GAN: variants seen among roughly 807,000 people sequenced by gnomAD.
GAN encodes the protein gigaxonin.
A neutral mutation model predicts 71.3 loss-of-function variants in GAN; 48 were observed. The ratio of observed to expected loss-of-function variants is 0.67; its 90% CI spans 0.53 to 0.86. The LOEUF (loss-of-function observed/expected upper bound fraction) is 0.86. Among genes scored for constraint, GAN ranks in the 40% least tolerant of loss-of-function variants. The pLI, the probability that GAN is intolerant of heterozygous loss-of-function variation, is 0.00. For missense variants in GAN, 928 were observed against 770.1 expected (o/e 1.21, Z -2.43); for synonymous variants, 386 against 276.8 (o/e 1.39, Z -3.92).
At chr16:81,366,853 C>G (rs1489689284) in intron 9 of GAN, among the ~76,000 whole-genome samples, 1 of 151,982 alleles carries the variant, frequency 6.6e-6, no homozygotes, top group African/African-American at 2.4e-5. Flanking sequence ...TGGAGACAGT[C>G]TCGCTCTGTC....
chr16:81,368,689 G>A (rs1910940587), intron 9 of GAN, among the ~76,000 whole-genome samples: 1 of 152,090 alleles, frequency 6.6e-6, no homozygotes, highest in Non-Finnish European at 1.5e-5. Flanking sequence ...TTAAATCTTG[G>A]TAGCATTTTT....
At chr16:81,360,914 T>G (rs969642133) in intron 5 of GAN, among the ~76,000 whole-genome samples, 3 of 152,202 alleles carry the variant, frequency 2.0e-5, no homozygotes, top group African/African-American at 7.2e-5. Context: ...GGCTGCATGC[T>G]GCTCATTTAT....
In GAN at chr16:81,327,410, G is replaced by C. The variant is rs9937189; in HGVS notation, c.167+12130G>C. ...TTATTTATTAAAGGGAACTGGAGGG[G>C]TGTACTGGAGGCTGTAGTTTTTGTT... On this transcript the variant is annotated intron_variant, in intron 1 of 10. Transcript: ENST00000648994. 9.4e-3 allele frequency among the ~76,000 whole-genome samples: 1,429 copies of C among 152,262 alleles called. 28 individuals are homozygous for C. The highest frequency in any genetic ancestry group is 0.033 in the African/African-American group (1,374 of 41,540).
chr16:81,351,958 T>A (rs1377018983), intron 2 of GAN, among the ~76,000 whole-genome samples: 1 of 152,096 alleles, frequency 6.6e-6, no homozygotes, highest in African/African-American at 2.4e-5. Flanking sequence ...CCTTCTCATA[T>A]GAGATATTAA....
In GAN at chr16:81,351,588, A is replaced by C; in HGVS notation, c.173A>C (p.Lys58Thr). ...CATTTTTTTCCCTTTCTTAGGACAA[A>C]GTTAAACTATAATCCTCCAAAAGAT... ...LAAASPYIRT[K>T]LNYNPPKDDG... The change falls in exon 2 of 11, where the codon AAG (lysine) becomes ACG (threonine). Residue 58 changes from lysine to threonine, a missense_variant. Physicochemically the swap from Lys to Thr is moderately conservative, Grantham distance 78. Transcript: ENST00000648994. 7.3e-7 allele frequency: 1 copy of C among 1,371,864 alleles called. No individual in the cohort carries two copies. The highest frequency in any genetic ancestry group is 1.0e-6 in the Non-Finnish European group (1 of 958,806). 85.0% of individuals were successfully genotyped at this position (1,371,864 alleles called of 1,614,324 possible).
intron 1 of GAN, among the ~76,000 whole-genome samples, chr16:81,346,491 A>G (rs914972875): frequency 1.3e-5 from 2 of 152,222 alleles, no homozygotes; most frequent in Non-Finnish European, 2.9e-5. Context: ...CAGTGGTGGC[A>G]TTAGATTCTC....
chr16:81,315,007 G>A lies in GAN; in HGVS notation c.-107G>A, dbSNP rs1223547515. 1 of 965,850 alleles carries A rather than the reference G, an allele frequency of 1.0e-6. No individual in the cohort carries two copies. Among genetic ancestry groups the A allele is most frequent in the South Asian group, 2.4e-5 (1 of 41,982 alleles). 59.8% of individuals were successfully genotyped at this position (965,850 alleles called of 1,614,324 possible). ...GGGGGCTCCAGCTTCTGCTCAGAGC[G>A]CGGAGAGCCGGGCCGGGCGGGCGCG... On this transcript the variant is annotated 5_prime_UTR_variant, in exon 1 of 11. Coordinates refer to ENST00000648994, the MANE Select transcript of GAN (RefSeq NM_022041.4).
In GAN at chr16:81,368,501, G is replaced by A. The variant is rs186952286; in HGVS notation, c.1502+3023G>A. Among the ~76,000 whole-genome samples, 1,194 of 152,284 alleles carry A rather than the reference G, an allele frequency of 7.8e-3. 17 individuals are homozygous for A. Among genetic ancestry groups the A allele is most frequent in the African/African-American group, 0.028 (1,158 of 41,552 alleles). ...CCACGCCTGTGGTCCCAGCTACTTG[G>A]AAGGCTGAGGCAGAAGGATCACTTG... On this transcript the variant is annotated intron_variant, in intron 9 of 10. Transcript: ENST00000648994.
At chr16:81,363,744 C>T (rs373734410) in intron 6 of GAN, 50 bp from the exon 7 acceptor site, 3 of 1,577,442 alleles carry the variant, frequency 1.9e-6, no homozygotes, top group Non-Finnish European at 1.7e-6. Context: ...TATCAGCTTT[C>T]AATATGATCA....
rs1363495385 is a variant in GAN at position 81,377,620 on chromosome 16, G to T, written c.*24G>T. ...GAGGAGGAAGCAGAGCAGAGTGCGA[G>T]ATCCTGACCCAAGAGCACCATAACA... On this transcript the variant is annotated 3_prime_UTR_variant, in exon 11 of 11. Coordinates refer to ENST00000648994, the MANE Select transcript of GAN (RefSeq NM_022041.4). The T allele has an allele frequency of 1.9e-6, 3 of 1,603,824 alleles. No homozygotes were observed. In the East Asian group the frequency reaches 6.7e-5, roughly 36 times the overall value.
At chr16:81,359,950 C>T (rs1910617156) in intron 5 of GAN, among the ~76,000 whole-genome samples, 1 of 152,114 alleles carries the variant, frequency 6.6e-6, no homozygotes, top group Non-Finnish European at 1.5e-5. Flanking sequence ...GATAAAACCA[C>T]AGAAACCAAA....
At chr16:81,337,687 C>A (rs1909809061) in intron 1 of GAN, among the ~76,000 whole-genome samples, 1 of 152,222 alleles carries the variant, frequency 6.6e-6, no homozygotes, top group African/African-American at 2.4e-5. Flanking sequence ...ATAATACCAT[C>A]TTCTTTATTA....
At position 81,379,315 on chromosome 16, in the gene GAN, TG is replaced by T. The variant is rs1904294067; in HGVS notation, c.*1723del. 1 of 152,208 alleles carries T rather than the reference TG, an allele frequency of 6.6e-6. No homozygotes were observed. Among genetic ancestry groups the T allele is most frequent in the Non-Finnish European group, 1.5e-5 (1 of 68,032 alleles). 9.4% of individuals were successfully genotyped at this position (152,208 alleles called of 1,614,324 possible). A position where few individuals can be genotyped will look rare whatever the true frequency, so the allele number is the denominator to read the frequency against. ...AAGTTGCTGAAAGATGCTGTGCCTATGGGGTTCTAGAGAGTGTTGAGTGTGG... is the reference window on the plus strand; with the variant it reads ...AAGTTGCTGAAAGATGCTGTGCCTATGGGTTCTAGAGAGTGTTGAGTGTGG... On this transcript the variant is annotated 3_prime_UTR_variant, in exon 11 of 11. Transcript: ENST00000648994.
chr16:81,372,517 A>T (rs1244046550), intron 9 of GAN, among the ~76,000 whole-genome samples: 1 of 152,166 alleles, frequency 6.6e-6, no homozygotes, highest in African/African-American at 2.4e-5. Context: ...TGAAGATGTG[A>T]TTCAGTTAAA....
At chr16:81,351,543 G>C (rs770645867) in intron 1 of GAN, 40 bp from the exon 2 acceptor site, 11 of 841,608 alleles carry the variant, frequency 1.3e-5, no homozygotes, top group Middle Eastern at 2.4e-4. Flanking sequence ...AGCTATTTCT[G>C]TTCTTTCATA....
rs1023530562 is a variant in GAN at position 81,378,683 on chromosome 16, T to C, written c.*1087T>C. ...GAAGTTTCCCAGTGGCATTCACTAGTGAGAGTTTTAGACAAATTATGTTAC... is the reference window on the plus strand; with the variant it reads ...GAAGTTTCCCAGTGGCATTCACTAGCGAGAGTTTTAGACAAATTATGTTAC... On this transcript the variant is annotated 3_prime_UTR_variant, in exon 11 of 11. Coordinates refer to ENST00000648994, the MANE Select transcript of GAN (RefSeq NM_022041.4). 9 of 152,666 alleles carry C rather than the reference T, an allele frequency of 5.9e-5. No homozygotes were observed. The highest frequency in any genetic ancestry group is 1.9e-4 in the African/African-American group (8 of 41,466). 9.5% of individuals were successfully genotyped at this position (152,666 alleles called of 1,614,324 possible). A position where few individuals can be genotyped will look rare whatever the true frequency, so the allele number is the denominator to read the frequency against.
At chr16:81,321,254 G>A (rs918058826) in intron 1 of GAN, among the ~76,000 whole-genome samples, 3 of 152,254 alleles carry the variant, frequency 2.0e-5, no homozygotes, top group Non-Finnish European at 2.9e-5. Flanking sequence ...GGAAGTGTGG[G>A]GTGTTCAGAT....
At chr16:81,333,259 AGG>A (rs1263024708) in intron 1 of GAN, among the ~76,000 whole-genome samples, 1 of 145,984 alleles carries the variant, frequency 6.9e-6, no homozygotes, top group African/African-American at 2.5e-5. Context: ...AAAAAAAAAA[AGG>A]AGGAATCCAC....
At chr16:81,320,114 C>G (rs1459046877) in intron 1 of GAN, among the ~76,000 whole-genome samples, 5 of 152,136 alleles carry the variant, frequency 3.3e-5, no homozygotes, top group African/African-American at 1.2e-4. Flanking sequence ...GGGTATGTTC[C>G]AAGGCCTAAT....
Sources: allele counts gnomAD v4.1 joint callset (sites outside exome capture counted in the v4.1 genomes callset), GRCh38; gene constraint gnomAD v4.1.1; transcripts MANE v1.5; gene names NCBI Gene and HGNC (gene_info 2026-07-23, HGNC 2026-07-21).